DIP2C: variants seen among roughly 807,000 people sequenced by gnomAD.
DIP2C encodes the protein disco-interacting protein 2 homolog C.
DIP2C carries 33 observed loss-of-function variants against 192.4 expected under a neutral mutation model. The ratio of observed to expected loss-of-function variants is 0.17; its 90% CI spans 0.13 to 0.23. The LOEUF is 0.23. Ranked by LOEUF, DIP2C falls within the 10% of genes least tolerant of loss-of-function variation. The pLI is 1.00. For synonymous variants in DIP2C, 979 were observed against 864.1 expected, an observed-to-expected ratio of 1.13 and a Z score of -2.33; for missense variants, 1,537 against 2,110.1, an observed-to-expected ratio of 0.73 and a Z score of 5.32.
At chr10:499,333 G>A (rs898054580) in intron 1 of DIP2C, among the ~76,000 whole-genome samples, 1 of 151,036 alleles carries the variant, frequency 6.6e-6, no homozygotes, top group Non-Finnish European at 1.5e-5. Flanking sequence ...CTCCCCCTCT[G>A]TGGACCGCTG....
intron 9 of DIP2C, among the ~76,000 whole-genome samples, chr10:404,186 C>G (rs1964633031): frequency 6.7e-6 from 1 of 150,054 alleles, no homozygotes; most frequent in African/African-American, 2.4e-5. Flanking sequence ...ACATGTGCAT[C>G]ATTTTTGCAT....
intron 1 of DIP2C, among the ~76,000 whole-genome samples, chr10:616,829 G>A (rs78335051): frequency 1.2e-3 from 176 of 152,204 alleles, no homozygotes; most frequent in African/African-American, 4.1e-3. Flanking sequence ...TGAGAGCCAC[G>A]CCCATCAGCG....
chr10:606,022 C>CCA (rs1852436324), intron 1 of DIP2C, among the ~76,000 whole-genome samples: 2 of 152,240 alleles, frequency 1.3e-5, no homozygotes, highest in African/African-American at 4.8e-5. Context: ...CAGCCCCACT[C>CCA]CACGCCGGGG....
chr10:602,693 C>T (rs1239227959), intron 1 of DIP2C, among the ~76,000 whole-genome samples: 2 of 152,206 alleles, frequency 1.3e-5, no homozygotes, highest in Non-Finnish European at 2.9e-5. Context: ...CATGTTACAA[C>T]ATTAGCCACT....
chr10:329,859 C>G (rs780028045), intron 29 of DIP2C, among the ~76,000 whole-genome samples: 4 of 152,174 alleles, frequency 2.6e-5, no homozygotes, highest in African/African-American at 7.2e-5. Flanking sequence ...GACTACTAAA[C>G]GCTGTGATGC....
chr10:348,293 G>C (rs1427159588), intron 26 of DIP2C, among the ~76,000 whole-genome samples: 1 of 152,226 alleles, frequency 6.6e-6, no homozygotes, highest in East Asian at 1.9e-4. Flanking sequence ...ATCTTGAGGA[G>C]AGGGCTTTGG....
intron 1 of DIP2C, among the ~76,000 whole-genome samples, chr10:535,388 G>A (rs1218126464): frequency 6.6e-6 from 1 of 151,864 alleles, no homozygotes; most frequent in East Asian, 1.9e-4. Flanking sequence ...TTCTCGGGGG[G>A]CATTTCCCTT....
intron 22 of DIP2C, 32 bp downstream of exon 22, chr10:362,458 C>T (rs769630786): frequency 5.6e-6 from 9 of 1,607,332 alleles, no homozygotes; most frequent in South Asian, 2.2e-5. Flanking sequence ...GGAACTCCCG[C>T]ACCTCACAAG....
chr10:340,542 CTCTT>C (rs1958093619), intron 29 of DIP2C: 1 of 352,260 alleles, frequency 2.8e-6, no homozygotes, highest in African/African-American at 2.1e-5. Context: ...ATTGGTAACA[CTCTT>C]TATCAGGTGC....
intron 1 of DIP2C, among the ~76,000 whole-genome samples, chr10:600,699 C>T (rs953678272): frequency 2.6e-5 from 4 of 152,186 alleles, no homozygotes; most frequent in Non-Finnish European, 4.4e-5. Flanking sequence ...TGCCCCAGAG[C>T]GCTTTTCACC....
chr10:549,550 A>C (rs1848481414), intron 1 of DIP2C, among the ~76,000 whole-genome samples: 1 of 152,160 alleles, frequency 6.6e-6, no homozygotes, highest in Non-Finnish European at 1.5e-5. Flanking sequence ...GACTCCTGGG[A>C]AACAGCCAAG....
intron 3 of DIP2C, among the ~76,000 whole-genome samples, chr10:456,551 C>T (rs1969314119): frequency 6.6e-6 from 1 of 152,232 alleles, no homozygotes; most frequent in Non-Finnish European, 1.5e-5. Flanking sequence ...AGTGCAAGAG[C>T]TTAAGATGCT....
chr10:642,121 T>C (rs1431880573), intron 1 of DIP2C, among the ~76,000 whole-genome samples: 1 of 152,240 alleles, frequency 6.6e-6, no homozygotes, highest in Non-Finnish European at 1.5e-5. Context: ...AAGGAAATTA[T>C]TTTCCTTCCT....
At chr10:685,200 A>G (rs1358003221) in intron 1 of DIP2C, among the ~76,000 whole-genome samples, 2 of 119,676 alleles carry the variant, frequency 1.7e-5, no homozygotes, top group Non-Finnish European at 3.4e-5. Context: ...ATATATATAT[A>G]TATATATAAA....
At chr10:514,172 A>G (rs1027745112) in intron 1 of DIP2C, among the ~76,000 whole-genome samples, 13 of 152,074 alleles carry the variant, frequency 8.5e-5, no homozygotes, top group Non-Finnish European at 1.9e-4. Context: ...TGGCCCCACC[A>G]CAAACACCTG....
chr10:676,243 G>T (rs901095186), intron 1 of DIP2C, among the ~76,000 whole-genome samples: 2 of 152,092 alleles, frequency 1.3e-5, no homozygotes, highest in African/African-American at 2.4e-5. Flanking sequence ...AACAAACTAG[G>T]CACTGAAGGA....
Position 391,110 on chromosome 10 carries a change from G to A in DIP2C, c.1261-247C>T, listed in dbSNP as rs115208907. ...GTTTGTTGAGGGATAAATTAGAAGA[G>A]GGTGTGGAAAGTGCTCAGTGCAGGC... On this transcript the variant is annotated intron_variant, in intron 10 of 36. Coordinates refer to ENST00000280886, the MANE Select transcript of DIP2C (RefSeq NM_014974.3). 6.1e-4 allele frequency among the ~76,000 whole-genome samples: 93 copies of A among 152,352 alleles called. 1 individual carries two copies. The highest frequency in any genetic ancestry group is 2.2e-3 in the African/African-American group (91 of 41,580).
intron 17 of DIP2C, among the ~76,000 whole-genome samples, chr10:372,134 G>A (rs968994970): frequency 4.1e-5 from 6 of 147,956 alleles, no homozygotes; most frequent in African/African-American, 1.3e-4. Flanking sequence ...GCAGTGCAAT[G>A]GCGTGATCTT....
In DIP2C at chr10:398,774, C is replaced by G. The variant is rs138724365; in HGVS notation, c.1260+335G>C. Among the ~76,000 whole-genome samples, 1,003 of 147,332 alleles carry G rather than the reference C, an allele frequency of 6.8e-3. 16 individuals are homozygous for G. Among genetic ancestry groups the G allele is most frequent in the African/African-American group, 0.023 (923 of 39,706 alleles). On this transcript the variant is annotated intron_variant, in intron 10 of 36. Coordinates refer to ENST00000280886, the MANE Select transcript of DIP2C (RefSeq NM_014974.3). ...GGATGTCAAAACACCTGAACAAAAGCAGCATCCACCACCCTTCAAAATAAT... is the reference window on the plus strand; with the variant it reads ...GGATGTCAAAACACCTGAACAAAAGGAGCATCCACCACCCTTCAAAATAAT...
Sources: allele counts gnomAD v4.1 joint callset (sites outside exome capture counted in the v4.1 genomes callset), GRCh38; gene constraint gnomAD v4.1.1; transcripts MANE v1.5; gene names NCBI Gene and HGNC (gene_info 2026-07-23, HGNC 2026-07-21).